The following PDE1A variants were observed in gnomAD, a reference collection of about 807,000 sequenced individuals.
PDE1A encodes the protein phosphodiesterase 1A.
PDE1A carries 35 observed loss-of-function variants against 61.7 expected under a neutral mutation model. The observed-to-expected ratio is 0.57, with a 90% CI of 0.43 to 0.75. The LOEUF (loss-of-function observed/expected upper bound fraction) is 0.75, where lower values mean the gene tolerates loss of function less well. Ranked by LOEUF, PDE1A falls within the 30% of genes least tolerant of loss-of-function variation. PDE1A has a pLI of 0.00. For synonymous variants in PDE1A, 232 were observed against 213.2 expected, an observed-to-expected ratio of 1.09 and a Z score of -0.77; for missense variants, 597 against 630.6, an observed-to-expected ratio of 0.95 and a Z score of 0.57.
intron 1 of PDE1A, among the ~76,000 whole-genome samples, chr2:182,374,544 CAAGT>C (rs1213596153): frequency 2.0e-5 from 3 of 151,970 alleles, no homozygotes; most frequent in African/African-American, 7.2e-5. Context: ...AATAAAAATT[CAAGT>C]AAGAATTAGA....
At chr2:182,321,027 A>G (rs1696661451) in intron 1 of PDE1A, among the ~76,000 whole-genome samples, 1 of 152,236 alleles carries the variant, frequency 6.6e-6, no homozygotes, top group South Asian at 2.1e-4. Context: ...ATAGGTTCTA[A>G]TAAAATGCTT....
chr2:182,693,708 G>A, the PDE1A span, among the ~76,000 whole-genome samples: 7 of 148,482 alleles, frequency 4.7e-5, no homozygotes, highest in South Asian at 6.4e-4. Context: ...GTGCAATGGC[G>A]CAAACTCGGC....
the PDE1A span, among the ~76,000 whole-genome samples, chr2:182,682,267 G>T: frequency 6.6e-6 from 1 of 152,288 alleles, no homozygotes; most frequent in South Asian, 2.1e-4. Context: ...CGGGAGCTGT[G>T]TCTGAGGAGA....
the PDE1A span, among the ~76,000 whole-genome samples, chr2:182,587,589 T>G: frequency 6.6e-6 from 1 of 152,324 alleles, no homozygotes; most frequent in Admixed American, 6.5e-5. Flanking sequence ...AACTAAGAAT[T>G]AGTTCTTTCA....
chr2:182,247,607 A>G (rs1691071767), intron 2 of PDE1A, among the ~76,000 whole-genome samples: 3 of 152,208 alleles, frequency 2.0e-5, no homozygotes, highest in Admixed American at 6.5e-5. Context: ...CAACATGAGC[A>G]GCTCCTCAAG....
intron 1 of PDE1A, among the ~76,000 whole-genome samples, chr2:182,307,635 C>T (rs964651350): frequency 3.9e-5 from 6 of 152,006 alleles, no homozygotes; most frequent in African/African-American, 1.5e-4. Context: ...AATGAGATAT[C>T]GTCACAAGCC....
the PDE1A span, among the ~76,000 whole-genome samples, chr2:182,596,877 G>A: frequency 2.0e-5 from 3 of 152,212 alleles, no homozygotes; most frequent in African/African-American, 7.2e-5. Flanking sequence ...CACACTGCCA[G>A]GCGCAATGGC....
intron 1 of PDE1A, among the ~76,000 whole-genome samples, chr2:182,397,489 C>T (rs999664357): frequency 4.6e-5 from 7 of 151,912 alleles, no homozygotes; most frequent in African/African-American, 1.7e-4. Flanking sequence ...TTAACGCTTT[C>T]CCTGAAAAAA....
the PDE1A span, among the ~76,000 whole-genome samples, chr2:182,652,468 G>A: frequency 6.6e-6 from 1 of 152,090 alleles, no homozygotes; most frequent in Non-Finnish European, 1.5e-5. Context: ...CTAGGCCTGA[G>A]ATCAAAGACA....
At chr2:182,294,203 C>CTTT (rs1292505313) in intron 1 of PDE1A, among the ~76,000 whole-genome samples, 1 of 152,124 alleles carries the variant, frequency 6.6e-6, no homozygotes, top group Non-Finnish European at 1.5e-5. Flanking sequence ...TAACTGAAAC[C>CTTT]TCAGAAAGTG....
the PDE1A span, among the ~76,000 whole-genome samples, chr2:182,634,978 T>C: frequency 6.6e-6 from 1 of 152,202 alleles, no homozygotes; most frequent in African/African-American, 2.4e-5. Context: ...TTATAAGTAA[T>C]GTCATGCAGC....
At chr2:182,488,289 TTC>T (rs879750006) in intron 2 of PDE1A, among the ~76,000 whole-genome samples, 41 of 152,208 alleles carry the variant, frequency 2.7e-4, no homozygotes, top group South Asian at 6.2e-4. Flanking sequence ...TTGAAAATGT[TTC>T]TCTTTTTCCC....
the PDE1A span, among the ~76,000 whole-genome samples, chr2:182,694,178 T>G: frequency 3.3e-5 from 5 of 152,204 alleles, no homozygotes; most frequent in Non-Finnish European, 7.3e-5. Flanking sequence ...GAGACCCAAA[T>G]TCATTCTTTA....
chr2:182,622,721 G>A, the PDE1A span, among the ~76,000 whole-genome samples: 2 of 152,138 alleles, frequency 1.3e-5, no homozygotes, highest in Non-Finnish European at 2.9e-5. Flanking sequence ...TCAGAAGGCT[G>A]AGCTAGATTT....
At chr2:182,489,549 A>T (rs1688247965) in intron 2 of PDE1A, among the ~76,000 whole-genome samples, 1 of 152,126 alleles carries the variant, frequency 6.6e-6, no homozygotes, top group Non-Finnish European at 1.5e-5. Context: ...GTTGCACTGG[A>T]TGTGGTAAGA....
chr2:182,598,947 G>A, the PDE1A span, among the ~76,000 whole-genome samples: 1 of 152,198 alleles, frequency 6.6e-6, no homozygotes, highest in Non-Finnish European at 1.5e-5. Flanking sequence ...TTACTCATGG[G>A]ATGGAGGCTG....
chr2:182,443,030 T>A (rs567768698), intron 2 of PDE1A, among the ~76,000 whole-genome samples: 1 of 152,068 alleles, frequency 6.6e-6, no homozygotes, highest in Non-Finnish European at 1.5e-5. Context: ...ATATTCCCCC[T>A]TCACCCTGAA....
chr2:182,457,935 G>T (rs73042470), intron 2 of PDE1A, among the ~76,000 whole-genome samples: 2,809 of 152,090 alleles, frequency 0.018, 90 homozygotes, highest in African/African-American at 0.064. Context: ...CTTTATTTAT[G>T]ACTTGTGTTG....
chr2:182,609,482 C>G, the PDE1A span, among the ~76,000 whole-genome samples: 1 of 152,198 alleles, frequency 6.6e-6, no homozygotes, highest in Non-Finnish European at 1.5e-5. Context: ...TGAGTTGTAA[C>G]GCTTACCGTG....
Sources: allele counts gnomAD v4.1 joint callset (sites outside exome capture counted in the v4.1 genomes callset), GRCh38; gene constraint gnomAD v4.1.1; transcripts MANE v1.5; gene names NCBI Gene and HGNC (gene_info 2026-07-23, HGNC 2026-07-21).